The following ZNF695 variants were observed in gnomAD, a reference collection of about 807,000 sequenced individuals.
ZNF695 encodes the protein zinc finger protein 695, also known as zinc finger protein SBZF3.
ZNF695 carries 11 observed loss-of-function variants against 11.2 expected under a neutral mutation model. The observed-to-expected ratio is 0.98, with a 90% CI of 0.62 to 1.62. ZNF695 has a LOEUF of 1.62. Ranked by LOEUF, ZNF695 falls within the 40% of genes most tolerant of loss-of-function variation. The pLI, the probability that ZNF695 is intolerant of heterozygous loss-of-function variation, is 0.00. For synonymous variants in ZNF695, 190 were observed against 201.4 expected, an observed-to-expected ratio of 0.94 and a Z score of 0.48; for missense variants, 559 against 590.5, an observed-to-expected ratio of 0.95 and a Z score of 0.55.
At chr1:247,004,097 A>C (rs770973468) in intron 1 of ZNF695, among the ~76,000 whole-genome samples, 40 of 152,196 alleles carry the variant, frequency 2.6e-4, no homozygotes, top group East Asian at 1.9e-4. Flanking sequence ...CTGTAATCCC[A>C]GCTACTCGGG....
chr1:246,955,800 A>G (rs947783617), intron 5 of ZNF695, among the ~76,000 whole-genome samples: 1 of 152,182 alleles, frequency 6.6e-6, no homozygotes, highest in Non-Finnish European at 1.5e-5. Context: ...GACAATGTCC[A>G]GCACACAGAA....
chr1:246,956,445 G>A (rs550049930), intron 5 of ZNF695, among the ~76,000 whole-genome samples: 3 of 151,156 alleles, frequency 2.0e-5, no homozygotes, highest in Admixed American at 6.6e-5. Flanking sequence ...GTGAAACCCC[G>A]TCTCTACAAA....
At chr1:246,991,549 A>C (rs1179779209) in intron 3 of ZNF695, among the ~76,000 whole-genome samples, 2 of 152,218 alleles carry the variant, frequency 1.3e-5, no homozygotes, top group African/African-American at 4.8e-5. Context: ...ATCATCAGGG[A>C]AATGCAAATC....
intron 4 of ZNF695, among the ~76,000 whole-genome samples, chr1:246,977,032 A>C (rs1217409605): frequency 6.6e-6 from 1 of 152,198 alleles, no homozygotes; most frequent in Non-Finnish European, 1.5e-5. Flanking sequence ...ACCTCAGATC[A>C]GTTACGCACA....
Position 246,962,972 on chromosome 1 carries a change from C to T in ZNF695, c.488+4723G>A, listed in dbSNP as rs570332298. On this transcript the variant is annotated intron_variant, in intron 5 of 5. Coordinates refer to the ZNF695 transcript ENST00000487338. ...GATTACAGGTGTGAGCCACCATGCC[C>T]GGCCTTGAAACCTTTCAACGATTCC... 1.5e-4 allele frequency among the ~76,000 whole-genome samples: 23 copies of T among 152,276 alleles called. No homozygotes were observed. In the South Asian group the frequency reaches 2.9e-3, roughly 19 times the overall value.
chr1:246,967,286 A>G, intron 5 of ZNF695: 1 of 446,588 alleles, frequency 2.2e-6, no homozygotes, highest in South Asian at 1.6e-5. Context: ...CACTGGATTG[A>G]GAATAGATTG....
intron 5 of ZNF695, among the ~76,000 whole-genome samples, chr1:246,952,141 A>T (rs2102998907): frequency 6.6e-6 from 1 of 151,968 alleles, no homozygotes; most frequent in African/African-American, 2.4e-5. Context: ...TAGAGACAGG[A>T]TTTTGCCTTG....
intron 5 of ZNF695, among the ~76,000 whole-genome samples, chr1:246,949,532 A>G (rs1297094390): frequency 6.6e-6 from 1 of 151,378 alleles, no homozygotes; most frequent in Non-Finnish European, 1.5e-5. Flanking sequence ...TGGAGGTTGC[A>G]GTGAGCCGAG....
At chr1:246,946,106 G>GCTCCCCGTGCACACCCAA (rs1558299356) in intron 5 of ZNF695, among the ~76,000 whole-genome samples, 8 of 151,958 alleles carry the variant, frequency 5.3e-5, no homozygotes, top group African/African-American at 1.9e-4. Context: ...TCTTTCCCCA[G>GCTCCCCGTGCACACCCAA]AAGGATGTGC....
chr1:246,945,711 C>T (rs1011623816), exon 6 of ZNF695: 35 of 1,441,088 alleles, frequency 2.4e-5, no homozygotes, highest in Admixed American at 1.0e-4. Flanking sequence ...CTCGGGCTGA[C>T]GCAGCTGGAC....
intron 5 of ZNF695, among the ~76,000 whole-genome samples, chr1:246,958,651 C>G (rs1174019249): frequency 6.6e-6 from 1 of 152,170 alleles, no homozygotes; most frequent in Non-Finnish European, 1.5e-5. Flanking sequence ...GCCTTTGAGT[C>G]TTCCAGCTGA....
chr1:246,973,777 T>A (rs528965333), intron 4 of ZNF695, among the ~76,000 whole-genome samples: 11 of 152,296 alleles, frequency 7.2e-5, no homozygotes, highest in African/African-American at 2.6e-4. Context: ...CACAATCACA[T>A]AATGATGAAT....
intron 4 of ZNF695, among the ~76,000 whole-genome samples, chr1:246,979,215 C>G (rs1259885418): frequency 6.6e-6 from 1 of 152,176 alleles, no homozygotes; most frequent in Non-Finnish European, 1.5e-5. Flanking sequence ...GGGGAGATAA[C>G]TCAAAAATAG....
chr1:246,982,598 ATT>A (rs1668738424), downstream of ZNF695, among the ~76,000 whole-genome samples: 1 of 152,188 alleles, frequency 6.6e-6, no homozygotes, highest in Admixed American at 6.5e-5. Flanking sequence ...ATTTTAAAAT[ATT>A]TTCTTTTAAC....
intron 4 of ZNF695, among the ~76,000 whole-genome samples, chr1:246,971,021 G>A (rs915691622): frequency 4.6e-5 from 7 of 152,200 alleles, no homozygotes; most frequent in African/African-American, 1.2e-4. Context: ...AGAAAAGACA[G>A]CTGGGCCCAG....
intron 5 of ZNF695, among the ~76,000 whole-genome samples, chr1:246,951,659 C>T (rs1300417933): frequency 6.6e-6 from 1 of 152,214 alleles, no homozygotes; most frequent in African/African-American, 2.4e-5. Flanking sequence ...CTCAGGTCAA[C>T]CACAGAGGCC....
At chr1:246,982,843 T>G (rs190336665), downstream of ZNF695, among the ~76,000 whole-genome samples, 3 of 152,174 alleles carry the variant, frequency 2.0e-5, no homozygotes, top group South Asian at 2.1e-4. Flanking sequence ...TTACATATTT[T>G]ATGTCAGCTA....
At chr1:246,973,062 A>ATT (rs1558309220) in intron 4 of ZNF695, among the ~76,000 whole-genome samples, 4 of 150,576 alleles carry the variant, frequency 2.7e-5, no homozygotes, top group Non-Finnish European at 3.0e-5. Context: ...ATATATATAT[A>ATT]TTTTGAGACG....
chr1:246,985,321 T>A, downstream of ZNF695: 1 of 984,504 alleles, frequency 1.0e-6, no homozygotes, highest in Non-Finnish European at 1.2e-6. Flanking sequence ...AAATACACGG[T>A]CTTTGATTAT....
Sources: gnomAD v4.1 joint callset for allele counts (sites outside exome capture counted in the v4.1 genomes callset) on GRCh38, gnomAD v4.1.1 for gene constraint, MANE v1.5 for transcripts, NCBI Gene and HGNC (gene_info 2026-07-23, HGNC 2026-07-21) for gene names.